The following NEO1 variants were observed in gnomAD, a reference collection of about 807,000 sequenced individuals.
NEO1 encodes neogenin.
Under a neutral mutation model 159.7 loss-of-function variants are expected in NEO1, and 63 were observed. The ratio of observed to expected loss-of-function variants is 0.39; its 90% CI spans 0.32 to 0.49. The LOEUF (loss-of-function observed/expected upper bound fraction) is 0.49, where lower values mean the gene tolerates loss of function less well. NEO1 is among the 20% of genes least tolerant of loss of function. NEO1 has a pLI of 0.85. For missense variants in NEO1, 1,615 were observed against 1,831.0 expected (o/e 0.88, Z 2.15); for synonymous variants, 633 against 662.0 (o/e 0.96, Z 0.67).
At chr15:73,116,417 ATATT>A (rs2071321626) in intron 1 of NEO1, 119 bp from the exon 2 acceptor site, 1 of 359,284 alleles carries the variant, frequency 2.8e-6, no homozygotes, top group Middle Eastern at 9.6e-4. Context: ...TGAGATGACT[ATATT>A]TATGTGTCAC....
chr15:73,098,692 A>G (rs2070227955), intron 1 of NEO1, among the ~76,000 whole-genome samples: 1 of 152,184 alleles, frequency 6.6e-6, no homozygotes, highest in East Asian at 1.9e-4. Flanking sequence ...TGTTACTACA[A>G]GTAGTGGTAC....
At chr15:73,209,470 A>G (rs1250858318) in intron 7 of NEO1, among the ~76,000 whole-genome samples, 1 of 152,086 alleles carries the variant, frequency 6.6e-6, no homozygotes. Context: ...CAGTTGTTTT[A>G]TTGGACTCTT....
chr15:73,097,776 C>CTT (rs34165169), intron 1 of NEO1, among the ~76,000 whole-genome samples: 5,816 of 75,244 alleles, frequency 0.077, 459 homozygotes, highest in African/African-American at 0.13. Context: ...TGGAACTAGC[C>CTT]TTTTTTTTTT....
chr15:73,151,073 A>G (rs1393878841), intron 5 of NEO1, among the ~76,000 whole-genome samples: 3 of 152,218 alleles, frequency 2.0e-5, no homozygotes, highest in Non-Finnish European at 4.4e-5. Context: ...CCAACAGTGT[A>G]TGTGAGTTCT....
At chr15:73,172,088 G>T (rs2035011200) in intron 5 of NEO1, among the ~76,000 whole-genome samples, 1 of 152,190 alleles carries the variant, frequency 6.6e-6, no homozygotes, top group Non-Finnish European at 1.5e-5. Context: ...TAGGGTAGAG[G>T]CTGGGAATGG....
intron 7 of NEO1, among the ~76,000 whole-genome samples, chr15:73,215,640 T>A (rs1373654195): frequency 2.6e-5 from 4 of 152,222 alleles, no homozygotes. Context: ...ACACACTTGA[T>A]CATGGTGGAT....
At chr15:73,253,372 AATTTTT>A in intron 11 of NEO1, 22 bp from the exon 12 acceptor site, 1 of 1,386,880 alleles carries the variant, frequency 7.2e-7, no homozygotes, top group Non-Finnish European at 9.9e-7. Flanking sequence ...TTAAAAAAAA[AATTTTT>A]TTTTTTTTTT....
At chr15:73,093,779 A>C (rs1262661659) in intron 1 of NEO1, among the ~76,000 whole-genome samples, 3 of 151,998 alleles carry the variant, frequency 2.0e-5, no homozygotes. Context: ...GGGTTTCGCC[A>C]TGCTTCCCTG....
At chr15:73,107,164 C>T (rs2070735706) in intron 1 of NEO1, among the ~76,000 whole-genome samples, 1 of 152,166 alleles carries the variant, frequency 6.6e-6, no homozygotes, top group Admixed American at 6.5e-5. Flanking sequence ...AGAGATTTAT[C>T]ATTATGATTT....
In NEO1 at chr15:73,272,487, G is replaced by T. The variant is rs1248028757; in HGVS notation, c.2890G>T (p.Val964Leu). 6.2e-7 allele frequency: 1 copy of T among 1,614,104 alleles called. No individual in the cohort carries two copies. The highest frequency in any genetic ancestry group is 1.7e-5 in the Admixed American group (1 of 60,014). The change falls in exon 19 of 29, where the codon GTG becomes TTG. Residue 964 changes from valine to leucine, a missense_variant. Coordinates refer to ENST00000261908, the MANE Select transcript of NEO1 (RefSeq NM_002499.4). Reference sequence around the variant, plus strand: ...TTCTCCACCCAAGGATGTGACTGTTGTGAGTAAAGAGGGGAAACCTAAGAC... The same window carrying T: ...TTCTCCACCCAAGGATGTGACTGTTTTGAGTAAAGAGGGGAAACCTAAGAC... The part of the protein sequence containing the change: ...PTSPPKDVTV[V>L]SKEGKPKTII...
intron 7 of NEO1, among the ~76,000 whole-genome samples, chr15:73,183,766 G>C (rs543333662): frequency 1.3e-5 from 2 of 151,986 alleles, no homozygotes; most frequent in East Asian, 1.9e-4. Flanking sequence ...GAAAAAAAAA[G>C]AGAGAGAAAC....
intron 4 of NEO1, among the ~76,000 whole-genome samples, chr15:73,131,031 C>T (rs1019160020): frequency 6.6e-6 from 1 of 152,074 alleles, no homozygotes; most frequent in Non-Finnish European, 1.5e-5. Context: ...CTGAACTACC[C>T]CCACCTGACA....
chr15:73,158,825 A>G (rs1356322918), intron 5 of NEO1, among the ~76,000 whole-genome samples: 1 of 152,158 alleles, frequency 6.6e-6, no homozygotes, highest in Non-Finnish European at 1.5e-5. Context: ...TTATCCTTCT[A>G]GAGATATTCT....
chr15:73,249,178 C>T lies in NEO1; in HGVS notation c.1725C>T (p.Tyr575=). 1.9e-6 allele frequency: 3 copies of T among 1,613,890 alleles called. No homozygotes were observed. The highest frequency in any genetic ancestry group is 2.2e-5 in the South Asian group (2 of 91,068). ...GGGAAATTCAGAATTATAAATTGTACTACATGGAAAAGGGGACTGATAAAG... is the reference window on the plus strand; with the variant it reads ...GGGAAATTCAGAATTATAAATTGTATTACATGGAAAAGGGGACTGATAAAG... ...GNGEIQNYKL[Y]YMEKGTDKEQ... Residue 575 remains tyrosine, a synonymous_variant, in exon 10 of 29, where the codon TAC becomes TAT. Transcript: ENST00000261908.
chr15:73,052,684 G>A lies in NEO1; in HGVS notation c.9G>A (p.Ala3=). MA[A]ERGARRLLST... is the part of the protein sequence containing the mutation. ...TCACTCTCGGGGAAGAGATGGCGGC[G>A]GAGCGGGGAGCCCGGCGACTCCTCA... The change falls in exon 1 of 29, where the codon GCG becomes GCA. Residue 3 remains alanine (A), a synonymous_variant. Transcript: ENST00000261908. 3 of 1,354,244 alleles carry A rather than the reference G, an allele frequency of 2.2e-6. No homozygotes were observed. The highest frequency in any genetic ancestry group is 1.6e-5 in the South Asian group (1 of 62,352). 83.9% of individuals were successfully genotyped at this position (1,354,244 alleles called of 1,614,324 possible).
At chr15:73,160,556 T>C (rs750546617) in intron 5 of NEO1, among the ~76,000 whole-genome samples, 5 of 152,322 alleles carry the variant, frequency 3.3e-5, no homozygotes, top group African/African-American at 1.2e-4. Flanking sequence ...CCAGAACTTC[T>C]GACTGACTAG....
intron 22 of NEO1, among the ~76,000 whole-genome samples, chr15:73,279,653 C>T (rs1450114016): frequency 1.3e-5 from 2 of 152,016 alleles, no homozygotes; most frequent in African/African-American, 2.4e-5. Context: ...CCGGGGCCCG[C>T]GTGCACGTTT....
At chr15:73,077,199 ACGC>A (rs2068813204) in intron 1 of NEO1, among the ~76,000 whole-genome samples, 1 of 152,020 alleles carries the variant, frequency 6.6e-6, no homozygotes, top group Non-Finnish European at 1.5e-5. Context: ...GCCCGCCACC[ACGC>A]CTGGCTAATT....
intron 1 of NEO1, among the ~76,000 whole-genome samples, chr15:73,061,013 A>G (rs1356210433): frequency 6.6e-6 from 1 of 152,248 alleles, no homozygotes; most frequent in Non-Finnish European, 1.5e-5. Context: ...CCTCCGGAAT[A>G]TAACTGAAGA....
Sources: gnomAD v4.1 joint callset for allele counts (sites outside exome capture counted in the v4.1 genomes callset) on GRCh38, gnomAD v4.1.1 for gene constraint, MANE v1.5 for transcripts, NCBI Gene and HGNC (gene_info 2026-07-23, HGNC 2026-07-21) for gene names.